The following MYO5A variants were observed in gnomAD, a reference collection of about 807,000 sequenced individuals.
The protein encoded by MYO5A is unconventional myosin-Va.
MYO5A carries 98 observed loss-of-function variants against 249.7 expected under a neutral mutation model. The observed-to-expected ratio is 0.39, with a 90% CI of 0.33 to 0.46. The LOEUF is 0.46. Ranked by LOEUF, MYO5A falls within the 20% of genes least tolerant of loss-of-function variation. The pLI is 0.98. For missense variants in MYO5A, 1,696 were observed against 2,308.8 expected (o/e 0.73, Z 5.44); for synonymous variants, 778 against 810.6 (o/e 0.96, Z 0.68).
At chr15:52,405,594 C>T (rs2042968843) in intron 8 of MYO5A, among the ~76,000 whole-genome samples, 6 of 152,214 alleles carry the variant, frequency 3.9e-5, no homozygotes, top group Admixed American at 3.9e-4. Flanking sequence ...GATAACATGG[C>T]TGCTGACTGT....
chr15:52,432,634 A>T (rs1270949772), intron 2 of MYO5A, among the ~76,000 whole-genome samples: 1 of 152,236 alleles, frequency 6.6e-6, no homozygotes, highest in Non-Finnish European at 1.5e-5. Context: ...GTGAAATTTA[A>T]CGTGAGAAAA....
At chr15:52,320,456 T>C (rs1481139226) in intron 38 of MYO5A, among the ~76,000 whole-genome samples, 1 of 152,214 alleles carries the variant, frequency 6.6e-6, no homozygotes, top group Non-Finnish European at 1.5e-5. Context: ...ATAGAAAAAC[T>C]GGCTGAAGTT....
intron 8 of MYO5A, 67 bp downstream of exon 8, chr15:52,407,225 T>C: frequency 8.7e-7 from 1 of 1,148,864 alleles, no homozygotes; most frequent in Admixed American, 1.7e-5. Context: ...AAGCCAATAT[T>C]CTAAACAAAG....
chr15:52,414,124 G>A (rs1443223208), intron 5 of MYO5A, among the ~76,000 whole-genome samples: 3 of 152,170 alleles, frequency 2.0e-5, no homozygotes, highest in African/African-American at 7.2e-5. Flanking sequence ...GACTGGATTA[G>A]TTCTCTCGGG....
chr15:52,379,725 T>A lies in MYO5A; in HGVS notation c.2108A>T (p.Tyr703Phe), dbSNP rs2041632399. The A allele has an allele frequency of 6.2e-7, 1 of 1,614,130 alleles. No individual in the cohort carries two copies. Among genetic ancestry groups the A allele is most frequent in the Non-Finnish European group, 8.5e-7 (1 of 1,179,996 alleles). ...SAAGFPSRWTYQEFFSRYRVL... is the reference protein window; with the variant it reads ...SAAGFPSRWTFQEFFSRYRVL... Reference sequence around the variant, plus strand: ...ACGGTAGCGGCTGAAAAATTCTTGGTAAGTCCACCTATTAAAAGAAAACCA... The same window carrying A: ...ACGGTAGCGGCTGAAAAATTCTTGGAAAGTCCACCTATTAAAAGAAAACCA... The change falls in exon 18 of 42, where the codon TAC becomes TTC. Residue 703 changes from tyrosine (Y) to phenylalanine (F), a missense_variant. Coordinates refer to ENST00000399233, the MANE Select transcript of MYO5A (RefSeq NM_001382347.1).
At chr15:52,321,977 A>G (rs987628928) in intron 37 of MYO5A, among the ~76,000 whole-genome samples, 2 of 152,214 alleles carry the variant, frequency 1.3e-5, no homozygotes, top group Non-Finnish European at 2.9e-5. Context: ...TAGTGAATAC[A>G]TACAAAAAGT....
At position 52,319,140 on chromosome 15, in the gene MYO5A, G is replaced by A. The variant is rs1421866412; in HGVS notation, c.5154C>T (p.Phe1718=). The A allele has an allele frequency of 1.9e-6, 3 of 1,614,190 alleles. No homozygotes were observed. The East Asian group carries it at 6.7e-5, about 36-fold the overall frequency. Residue 1718 remains phenylalanine (F), a synonymous_variant, in exon 39 of 42, where the codon TTC becomes TTT. Transcript: ENST00000399233. Reference sequence around the variant, plus strand: ...TCAGGGTGATGGCCCCTATGATGTAGAACATCTGCTTGACCACCTGCTTGA... The same window carrying A: ...TCAGGGTGATGGCCCCTATGATGTAAAACATCTGCTTGACCACCTGCTTGA... ...ELIKQVVKQM[F]YIIGAITLNN... is the part of the protein sequence containing the mutation.
intron 23 of MYO5A, 23 bp from the exon 24 acceptor site, chr15:52,364,725 C>T: frequency 6.2e-7 from 1 of 1,612,164 alleles, no homozygotes. Context: ...AAAGGATATG[C>T]ATACTAAAGA....
At chr15:52,519,892 G>A (rs757341313) in intron 1 of MYO5A, among the ~76,000 whole-genome samples, 7 of 151,964 alleles carry the variant, frequency 4.6e-5, no homozygotes, top group South Asian at 2.1e-4. Flanking sequence ...CACCACGCCC[G>A]GCTAATTTTT....
At chr15:52,429,530 A>T (rs773089162) in intron 2 of MYO5A, among the ~76,000 whole-genome samples, 2 of 152,078 alleles carry the variant, frequency 1.3e-5, no homozygotes, top group Non-Finnish European at 2.9e-5. Flanking sequence ...CTCTACTAAA[A>T]ACTCAAAAAT....
intron 1 of MYO5A, chr15:52,437,920 A>G: frequency 2.0e-6 from 1 of 503,238 alleles, no homozygotes; most frequent in Non-Finnish European, 2.6e-6. Context: ...CAAAAGCAAG[A>G]TATTTAAACA....
chr15:52,334,044 G>C (rs1285262398), intron 34 of MYO5A, among the ~76,000 whole-genome samples: 1 of 151,920 alleles, frequency 6.6e-6, no homozygotes, highest in Non-Finnish European at 1.5e-5. Context: ...TGCCTTTTTT[G>C]TTTGATCTAT....
chr15:52,413,862 T>G (rs1239765121), intron 5 of MYO5A, among the ~76,000 whole-genome samples: 1 of 152,238 alleles, frequency 6.6e-6, no homozygotes, highest in Non-Finnish European at 1.5e-5. Flanking sequence ...CAGGTGAGCA[T>G]AGCTGATCCC....
chr15:52,374,698 A>T (rs115557132), intron 20 of MYO5A, among the ~76,000 whole-genome samples: 1,661 of 152,346 alleles, frequency 0.011, 25 homozygotes, highest in African/African-American at 0.038. Flanking sequence ...AAGCTGCAAG[A>T]GGCAAGGAAT....
At chr15:52,520,524 G>C (rs139299146) in intron 1 of MYO5A, among the ~76,000 whole-genome samples, 42 of 152,334 alleles carry the variant, frequency 2.8e-4, no homozygotes, top group African/African-American at 9.6e-4. Flanking sequence ...GACAGCATGT[G>C]AGAGTCAGTG....
chr15:52,501,678 T>G (rs1211601765), intron 1 of MYO5A, among the ~76,000 whole-genome samples: 1 of 152,068 alleles, frequency 6.6e-6, no homozygotes, highest in African/African-American at 2.4e-5. Flanking sequence ...AAAATATTTG[T>G]TTTTTTCTGA....
rs754098214 is a variant in MYO5A, at chr15:52,376,438, T to C, written c.2329A>G (p.Ile777Val). ...TTCTTTCTCAGCAGCCACCCTCGGA[T>C]GGTCTTCTGGATCCGGATGCAGGCA... ...RAACIRIQKT[I>V]RGWLLRKKYL... The change falls in exon 19 of 42, where the codon ATC becomes GTC. Residue 777 changes from isoleucine to valine, a missense_variant. Physicochemically the swap from Ile to Val is conservative, Grantham distance 29. Around this residue, in one of 5 missense-constraint regions of MYO5A, gnomAD observed 277 missense variants for 422.4 expected, o/e 0.66. Coordinates refer to ENST00000399233, the MANE Select transcript of MYO5A (RefSeq NM_001382347.1). 15 of 1,614,064 alleles carry C rather than the reference T, an allele frequency of 9.3e-6. No individual in the cohort carries two copies. The highest frequency in any genetic ancestry group is 8.3e-5 in the Admixed American group (5 of 60,010).
intron 9 of MYO5A, among the ~76,000 whole-genome samples, chr15:52,402,032 G>C (rs1228738208): frequency 6.6e-6 from 1 of 151,978 alleles, no homozygotes; most frequent in Non-Finnish European, 1.5e-5. Context: ...TGTGATTTTT[G>C]ACTGTGAGTC....
rs148842753 is a variant in MYO5A, at chr15:52,515,646, A to G, written c.27+13134T>C. ...AATTAAATCAGGTAGGGTAGTATGA[A>G]GAAGGAGGGAGCAGATGACAATCGA... is the stretch of plus-strand genomic sequence containing the variant. On this transcript the variant is annotated intron_variant, in intron 1 of 41. Transcript: ENST00000399233. Among the ~76,000 whole-genome samples the G allele has an allele frequency of 9.2e-4, 140 of 152,330 alleles. 1 individual carries two copies. Among genetic ancestry groups the G allele is most frequent in the African/African-American group, 3.2e-3 (132 of 41,568 alleles).
Sources: gnomAD v4.1 joint callset for allele counts (sites outside exome capture counted in the v4.1 genomes callset) on GRCh38, gnomAD v4.1.1 for gene constraint, gnomAD v4.1.1 regional missense constraint, MANE v1.5 for transcripts, NCBI Gene and HGNC (gene_info 2026-07-23, HGNC 2026-07-21) for gene names.